KCNU1: variants seen among roughly 807,000 people sequenced by gnomAD.
KCNU1 encodes the protein potassium calcium-activated channel subfamily U member 1, also known as potassium channel subfamily U member 1.
Under a neutral mutation model 126.8 loss-of-function variants are expected in KCNU1, and 93 were observed. That is an observed-to-expected ratio of 0.73 (90% confidence interval 0.62 to 0.87). The LOEUF is 0.87. Among genes scored for constraint, KCNU1 ranks in the 40% least tolerant of loss-of-function variants. The probability of loss-of-function intolerance (pLI) is 0.00; values close to 1 mark genes in which losing one functional copy is unlikely to be tolerated. For missense variants in KCNU1, 1,330 were observed against 1,367.1 expected, an observed-to-expected ratio of 0.97 and a Z score of 0.43; for synonymous variants, 523 against 494.2, an observed-to-expected ratio of 1.06 and a Z score of -0.77.
rs930617453 is a variant in KCNU1, at chr8:36,795,329, T to G, written c.315+7904T>G. Reference sequence around the variant, plus strand: ...GGCACTTTCTCTTAATCACTGACCCTGATTGCAGATACCCAGCAGCTCTAG... The same window carrying G: ...GGCACTTTCTCTTAATCACTGACCCGGATTGCAGATACCCAGCAGCTCTAG... On this transcript the variant is annotated intron_variant, in intron 2 of 26. Transcript: ENST00000399881. 12 of 152,526 alleles carry G rather than the reference T, an allele frequency of 7.9e-5. No homozygotes were observed. The East Asian group carries it at 1.9e-3, about 24-fold the overall frequency. 9.4% of individuals were successfully genotyped at this position (152,526 alleles called of 1,614,324 possible).
chr8:36,873,917 A>C (rs1806192836), intron 19 of KCNU1, among the ~76,000 whole-genome samples: 1 of 152,184 alleles, frequency 6.6e-6, no homozygotes, highest in African/African-American at 2.4e-5. Context: ...TACAACAACA[A>C]CAACAGGAGA....
At chr8:36,795,848 C>A in intron 2 of KCNU1, 1 of 152,368 alleles carries the variant, frequency 6.6e-6, no homozygotes, top group Non-Finnish European at 1.5e-5. Flanking sequence ...TCTGGGTATC[C>A]CTGTATTCAG....
At chr8:36,878,871 T>A (rs1024545090) in intron 19 of KCNU1, among the ~76,000 whole-genome samples, 3 of 147,980 alleles carry the variant, frequency 2.0e-5, no homozygotes, top group Admixed American at 6.8e-5. Flanking sequence ...TTATATTGTA[T>A]ATGTATATAA....
intron 7 of KCNU1, among the ~76,000 whole-genome samples, chr8:36,812,189 A>G (rs1033252882): frequency 8.6e-5 from 13 of 152,026 alleles, no homozygotes; most frequent in African/African-American, 3.1e-4. Flanking sequence ...AGACCAGCCT[A>G]GCCGACATGG....
At position 36,869,854 on chromosome 8, in the gene KCNU1, C is replaced by T. The variant is rs577402341; in HGVS notation, c.2009+5333C>T. Among the ~76,000 whole-genome samples the T allele has an allele frequency of 1.5e-4, 23 of 152,244 alleles. No individual in the cohort carries two copies. In the South Asian group the frequency reaches 3.3e-3, roughly 22 times the overall value. On this transcript the variant is annotated intron_variant, in intron 19 of 26. Coordinates refer to ENST00000399881, the MANE Select transcript of KCNU1 (RefSeq NM_001031836.3). ...CATGTCTCTGGTTCTTAGACTTCTACGTTTTTGCTACCACTTTCTTTCACA... is the reference window on the plus strand; with the variant it reads ...CATGTCTCTGGTTCTTAGACTTCTATGTTTTTGCTACCACTTTCTTTCACA...
chr8:36,883,633 C>A (rs1806578225), intron 19 of KCNU1, among the ~76,000 whole-genome samples: 1 of 151,786 alleles, frequency 6.6e-6, no homozygotes, highest in Non-Finnish European at 1.5e-5. Flanking sequence ...AAAAAGAAAA[C>A]CACAAAAATT....
intron 2 of KCNU1, among the ~76,000 whole-genome samples, chr8:36,792,715 G>C (rs1270842287): frequency 1.3e-5 from 2 of 152,164 alleles, no homozygotes; most frequent in Admixed American, 6.5e-5. Context: ...GCTGTCTATA[G>C]ATTTCAATAA....
intron 10 of KCNU1, among the ~76,000 whole-genome samples, chr8:36,828,681 T>C (rs184263971): frequency 2.6e-5 from 4 of 152,250 alleles, no homozygotes; most frequent in East Asian, 1.9e-4. Context: ...TATTTTGCAA[T>C]TGGAAATAGT....
intron 2 of KCNU1, among the ~76,000 whole-genome samples, chr8:36,792,210 T>A (rs549552630): frequency 6.6e-6 from 1 of 152,320 alleles, no homozygotes; most frequent in South Asian, 2.1e-4. Flanking sequence ...GTTTCTTCCT[T>A]CAAAGCTCTG....
Position 36,817,717 on chromosome 8 carries a change from G to T in KCNU1, c.1063G>T (p.Asp355Tyr), listed in dbSNP as rs200060902. The T allele has an allele frequency of 6.2e-7, 1 of 1,609,892 alleles. No individual in the cohort carries two copies. The highest frequency in any genetic ancestry group is 1.3e-5 in the African/African-American group (1 of 74,276). Residue 355 changes from aspartate to tyrosine, a missense_variant, in exon 10 of 27, where the codon GAC becomes TAC. Asp to Tyr is a radical substitution (Grantham distance 160). This residue lies in a region of KCNU1 where 1,054 missense variants were observed against 1,053.9 expected (regional missense o/e 1.00). Transcript: ENST00000399881. ...VTAFLRNFLR[D>Y]KSGEINTEIV... is the part of the protein sequence containing the mutation. Reference sequence around the variant, plus strand: ...CGCTTTCCTGAGGAATTTCCTCCGCGACAAGTCAGGAGAGATCAACACTGA... The same window carrying T: ...CGCTTTCCTGAGGAATTTCCTCCGCTACAAGTCAGGAGAGATCAACACTGA...
At chr8:36,910,890 C>T in intron 21 of KCNU1, 40 bp from the exon 22 acceptor site, 1 of 1,413,418 alleles carries the variant, frequency 7.1e-7, no homozygotes, top group Non-Finnish European at 9.8e-7. Context: ...TAACATCCCT[C>T]CATCCGACCA....
intron 18 of KCNU1, among the ~76,000 whole-genome samples, chr8:36,848,739 A>G (rs1001969373): frequency 3.3e-5 from 5 of 152,102 alleles, no homozygotes; most frequent in African/African-American, 1.2e-4. Flanking sequence ...CATTGTTGCT[A>G]GACATGGTTT....
At chr8:36,860,821 G>GA (rs553704398) in intron 18 of KCNU1, among the ~76,000 whole-genome samples, 4 of 150,930 alleles carry the variant, frequency 2.7e-5, no homozygotes, top group South Asian at 4.2e-4. Flanking sequence ...TTAGGGACAG[G>GA]AAAAAAAATG....
intron 22 of KCNU1, among the ~76,000 whole-genome samples, chr8:36,916,163 AAGGAAAGAAGGT>A (rs1808096353): frequency 6.7e-6 from 1 of 148,256 alleles, no homozygotes; most frequent in Non-Finnish European, 1.5e-5. Context: ...AGGGAGGGGA[AAGGAAAGAAGGT>A]AGGAAAGAAG....
chr8:36,911,221 G>A, intron 22 of KCNU1, 102 bp downstream of exon 22: 6 of 929,902 alleles, frequency 6.5e-6, no homozygotes, highest in East Asian at 2.7e-5. Context: ...CAGGAGGGTG[G>A]GCCAGATGTC....
intron 18 of KCNU1, among the ~76,000 whole-genome samples, chr8:36,859,416 T>G (rs890892839): frequency 6.6e-6 from 1 of 152,126 alleles, no homozygotes; most frequent in African/African-American, 2.4e-5. Context: ...TTCATTAAAT[T>G]TCCTTGGTCC....
chr8:36,821,166 C>T (rs1466399879), intron 10 of KCNU1, among the ~76,000 whole-genome samples: 2 of 152,100 alleles, frequency 1.3e-5, no homozygotes, highest in Non-Finnish European at 2.9e-5. Flanking sequence ...TAAACATAGA[C>T]CTTTTGTTAA....
Position 36,903,207 on chromosome 8 carries a change from G to GA in KCNU1, c.2010-2492dup, listed in dbSNP as rs146364992. The stretch of plus-strand genomic sequence containing the variant: ...TAAGTTGGAGTAAGTTCTTTTGTCT[G>GA]AAAAAAAAATAAGATGTAAGTTATC... On this transcript the variant is annotated intron_variant, in intron 19 of 26. Coordinates refer to ENST00000399881, the MANE Select transcript of KCNU1 (RefSeq NM_001031836.3). Among the ~76,000 whole-genome samples the GA allele has an allele frequency of 9.1e-3, 1,376 of 150,410 alleles. 16 individuals carry two copies. The highest frequency in any genetic ancestry group is 0.032 in the African/African-American group (1,304 of 41,020).
chr8:36,832,864 C>T (rs1204660354), intron 10 of KCNU1, among the ~76,000 whole-genome samples: 1 of 151,956 alleles, frequency 6.6e-6, no homozygotes, highest in Non-Finnish European at 1.5e-5. Context: ...TTAATATTTT[C>T]AACATATTTC....
Sources: gnomAD v4.1 joint callset for allele counts (sites outside exome capture counted in the v4.1 genomes callset) on GRCh38, gnomAD v4.1.1 for gene constraint, gnomAD v4.1.1 regional missense constraint, MANE v1.5 for transcripts, NCBI Gene and HGNC (gene_info 2026-07-23, HGNC 2026-07-21) for gene names.